The following ZFPM1 variants were observed in gnomAD, a reference collection of about 807,000 sequenced individuals.
ZFPM1 encodes zinc finger protein ZFPM1.
ZFPM1 carries 28 observed loss-of-function variants against 46.3 expected under a neutral mutation model. The observed-to-expected ratio is 0.60, with a 90% CI of 0.45 to 0.83. The LOEUF (loss-of-function observed/expected upper bound fraction) is 0.83. Among genes scored for constraint, ZFPM1 ranks in the 40% least tolerant of loss-of-function variants. The pLI, the probability that ZFPM1 is intolerant of heterozygous loss-of-function variation, is 0.00. For missense variants in ZFPM1, 1,878 were observed against 1,432.4 expected, an observed-to-expected ratio of 1.31 and a Z score of -5.02; for synonymous variants, 957 against 675.9, an observed-to-expected ratio of 1.42 and a Z score of -6.45.
chr16:88,486,152 T>G, intron 2 of ZFPM1, 109 bp downstream of exon 2: 1 of 1,150,826 alleles, frequency 8.7e-7, no homozygotes, highest in East Asian at 2.6e-5. Context: ...GCCAACTATA[T>G]GCAGGAGTCC....
In ZFPM1 at chr16:88,536,200, C is replaced by G. The variant is rs1414296193; in HGVS notation, c.*1221C>G. 6.6e-6 allele frequency: 1 copy of G among 152,222 alleles called. No homozygotes were observed. The highest frequency in any genetic ancestry group is 1.5e-5 in the Non-Finnish European group (1 of 68,014). 9.4% of individuals were successfully genotyped at this position (152,222 alleles called of 1,614,324 possible). On this transcript the variant is annotated 3_prime_UTR_variant, in exon 10 of 10. Transcript: ENST00000319555. ...ACCCTATATTTTTTAGAGCTAAGGT[C>G]TTGTTCGGTTCCCCAGGCTGAAGTT...
Position 88,534,736 on chromosome 16 carries a change from G to C in ZFPM1, c.2778G>C (p.Gln926His), listed in dbSNP as rs2142502193. 2.0e-6 allele frequency: 2 copies of C among 985,426 alleles called. No homozygotes were observed. The highest frequency in any genetic ancestry group is 9.1e-5 in the South Asian group (2 of 21,918). The allele number at this position is 985,426 out of a possible 1,614,324, so 61.0% of individuals were successfully genotyped here. A position where few individuals can be genotyped will look rare whatever the true frequency, so the allele number is the denominator to read the frequency against. ...GPRDGLGPEP[Q>H]EPPPGPPPSP... is the part of the protein sequence containing the mutation. ...GGGACGGCCTCGGCCCGGAGCCCCA[G>C]GAGCCGCCGCCCGGCCCGCCCCCGT... Residue 926 changes from glutamine (Q) to histidine (H), a missense_variant, in exon 10 of 10, where the codon CAG (glutamine) becomes CAC (histidine). By Grantham distance (24) the Gln-to-His change is conservative (BLOSUM62 0). Coordinates refer to ENST00000319555, the MANE Select transcript of ZFPM1 (RefSeq NM_153813.3).
intron 7 of ZFPM1, 117 bp from the exon 8 acceptor site, chr16:88,532,497 C>T: frequency 8.8e-7 from 1 of 1,133,144 alleles, no homozygotes; most frequent in Non-Finnish European, 1.2e-6. Context: ...TTTAAAGACC[C>T]TTCAGCACAG....
In ZFPM1 at chr16:88,532,566, C is replaced by G. The variant is rs754048965; in HGVS notation, c.947-48C>G. On this transcript the variant is annotated intron_variant, in intron 7 of 9. Transcript: ENST00000319555. ...GTCGCCTTCCTCATCCCTGGAGTCC[C>G]AAGGTTAAGCTGGCCCGGGCACCGC... 4 of 1,534,734 alleles carry G rather than the reference C, an allele frequency of 2.6e-6. No homozygotes were observed. In the African/African-American group the frequency reaches 4.1e-5, roughly 16 times the overall value.
intron 3 of ZFPM1, among the ~76,000 whole-genome samples, chr16:88,509,020 G>A (rs747716761): frequency 1.3e-5 from 2 of 152,106 alleles, no homozygotes; most frequent in Admixed American, 6.5e-5. Context: ...GGCCACCCCG[G>A]TCTGCCTCCC....
At chr16:88,467,799 T>TGTTTTCTACTCTACC (rs1567528073) in intron 1 of ZFPM1, among the ~76,000 whole-genome samples, 20 of 151,474 alleles carry the variant, frequency 1.3e-4, no homozygotes, top group Non-Finnish European at 2.9e-5. Context: ...GGGGGTGGGG[T>TGTTTTCTACTCTACC]GTTTTCTACT....
chr16:88,517,052 C>A (rs1308416648), intron 4 of ZFPM1, among the ~76,000 whole-genome samples: 2 of 152,202 alleles, frequency 1.3e-5, no homozygotes, highest in African/African-American at 4.8e-5. Context: ...GATGCAGCAA[C>A]AGCTCCCACC....
At position 88,534,450 on chromosome 16, in the gene ZFPM1, C is replaced by A; in HGVS notation, c.2492C>A (p.Ala831Asp). The A allele has an allele frequency of 6.7e-7, 1 of 1,497,500 alleles. No individual in the cohort carries two copies. Among genetic ancestry groups the A allele is most frequent in the Non-Finnish European group, 8.8e-7 (1 of 1,130,528 alleles). 92.8% of individuals were successfully genotyped at this position (1,497,500 alleles called of 1,614,324 possible). Residue 831 changes from alanine (A) to aspartate (D), a missense_variant, in exon 10 of 10, where the codon GCC becomes GAC. Coordinates refer to ENST00000319555, the MANE Select transcript of ZFPM1 (RefSeq NM_153813.3). ...CGCGTGAGCTTCCACAGCCTCGAGG[C>A]CTACCTGGCGCACAAGAAGTACTCG... is the stretch of plus-strand genomic sequence containing the variant. ...ACRVSFHSLE[A>D]YLAHKKYSCP...
intron 4 of ZFPM1, among the ~76,000 whole-genome samples, chr16:88,525,569 G>A (rs1333752955): frequency 2.6e-5 from 4 of 152,244 alleles, no homozygotes; most frequent in African/African-American, 7.2e-5. Context: ...CCTCCAGATT[G>A]GACACCCAGG....
chr16:88,527,279 G>A (rs1423468926), intron 5 of ZFPM1, among the ~76,000 whole-genome samples: 1 of 152,222 alleles, frequency 6.6e-6, no homozygotes, highest in African/African-American at 2.4e-5. Flanking sequence ...ACACCAGACT[G>A]GCTGGCAGGT....
intron 1 of ZFPM1, among the ~76,000 whole-genome samples, chr16:88,458,535 C>T (rs1907658578): frequency 6.6e-6 from 1 of 152,250 alleles, no homozygotes; most frequent in Non-Finnish European, 1.5e-5. Context: ...TCTCCTGTTT[C>T]TATGCCAACC....
At chr16:88,457,997 C>T (rs547765607) in intron 1 of ZFPM1, among the ~76,000 whole-genome samples, 2 of 152,310 alleles carry the variant, frequency 1.3e-5, no homozygotes, top group Non-Finnish European at 2.9e-5. Context: ...ATATTCATAA[C>T]AGCCAATGCT....
chr16:88,499,196 G>A (rs1465378969), intron 3 of ZFPM1, among the ~76,000 whole-genome samples: 1 of 152,122 alleles, frequency 6.6e-6, no homozygotes, highest in Non-Finnish European at 1.5e-5. Context: ...GCCGCCTCCT[G>A]AACCTGGCCC....
intron 3 of ZFPM1, among the ~76,000 whole-genome samples, chr16:88,499,011 G>A (rs921634517): frequency 2.6e-5 from 4 of 152,204 alleles, no homozygotes; most frequent in East Asian, 1.9e-4. Flanking sequence ...CCTGTGGGCG[G>A]AGCCCCTGGA....
At chr16:88,470,153 C>T (rs1486436315) in intron 1 of ZFPM1, among the ~76,000 whole-genome samples, 1 of 152,202 alleles carries the variant, frequency 6.6e-6, no homozygotes, top group Non-Finnish European at 1.5e-5. Flanking sequence ...AAAGGCCCCT[C>T]CCGTGTAGGA....
chr16:88,490,833 G>A (rs1909523660), intron 3 of ZFPM1, among the ~76,000 whole-genome samples: 1 of 152,198 alleles, frequency 6.6e-6, no homozygotes. Flanking sequence ...CTGTCCCCCA[G>A]GAAGGGGGAC....
intron 3 of ZFPM1, among the ~76,000 whole-genome samples, chr16:88,508,515 C>T (rs919471001): frequency 2.6e-4 from 39 of 152,296 alleles, no homozygotes; most frequent in Non-Finnish European, 2.8e-4. Flanking sequence ...CACGTGGGTT[C>T]CCCTGGTCTC....
At chr16:88,531,867 AG>A (rs1008063594) in intron 6 of ZFPM1, 134 bp from the exon 7 acceptor site, 2 of 780,246 alleles carry the variant, frequency 2.6e-6, no homozygotes, top group African/African-American at 1.8e-5. Flanking sequence ...AGTTACAGGA[AG>A]GGGTCAAAGC....
chr16:88,508,099 C>T (rs1371176138), intron 3 of ZFPM1, among the ~76,000 whole-genome samples: 1 of 152,182 alleles, frequency 6.6e-6, no homozygotes, highest in East Asian at 1.9e-4. Context: ...GAGTTCAAGA[C>T]ACGCCTGGCC....
Sources: gnomAD v4.1 joint callset for allele counts (sites outside exome capture counted in the v4.1 genomes callset) on GRCh38, gnomAD v4.1.1 for gene constraint, MANE v1.5 for transcripts, NCBI Gene and HGNC (gene_info 2026-07-23, HGNC 2026-07-21) for gene names.